The following JARID2 variants were observed in gnomAD, a reference collection of about 807,000 sequenced individuals.
JARID2 encodes protein Jumonji.
A neutral mutation model predicts 125.6 loss-of-function variants in JARID2; 21 were observed. The observed-to-expected ratio is 0.17, with a 90% CI of 0.12 to 0.24. JARID2 has a LOEUF of 0.24. Among genes scored for constraint, JARID2 ranks in the 10% least tolerant of loss-of-function variants. JARID2 has a pLI of 1.00. For missense variants in JARID2, 1,303 were observed against 1,639.6 expected (o/e 0.79, Z 3.55); for synonymous variants, 736 against 661.6 (o/e 1.11, Z -1.73).
intron 1 of JARID2, among the ~76,000 whole-genome samples, chr6:15,272,323 C>T (rs896215839): frequency 1.3e-5 from 2 of 152,184 alleles, no homozygotes; most frequent in Non-Finnish European, 2.9e-5. Context: ...TCATGTACTT[C>T]CCAAAGCTTC....
chr6:15,288,090 A>G (rs543506254), intron 1 of JARID2, among the ~76,000 whole-genome samples: 30 of 152,304 alleles, frequency 2.0e-4, no homozygotes, highest in African/African-American at 7.2e-4. Flanking sequence ...GGGAAGGCAC[A>G]TTGGTGGTAT....
chr6:15,514,328 C>T (rs1462285506), intron 16 of JARID2, among the ~76,000 whole-genome samples: 1 of 152,266 alleles, frequency 6.6e-6, no homozygotes, highest in East Asian at 1.9e-4. Flanking sequence ...AGGGCCTGAC[C>T]TGCCTCCCCG....
chr6:15,371,931 G>T (rs765222485), intron 1 of JARID2, among the ~76,000 whole-genome samples: 12 of 152,194 alleles, frequency 7.9e-5, no homozygotes, highest in Non-Finnish European at 1.5e-4. Context: ...AGCCTGGCAG[G>T]CTTCTGTGAG....
At chr6:15,337,651 G>A (rs1762922177) in intron 1 of JARID2, among the ~76,000 whole-genome samples, 2 of 152,180 alleles carry the variant, frequency 1.3e-5, no homozygotes, top group African/African-American at 4.8e-5. Flanking sequence ...CACTAAGCAA[G>A]GGGCTTTCTC....
chr6:15,423,090 C>G (rs372238918), intron 3 of JARID2, among the ~76,000 whole-genome samples: 1 of 151,652 alleles, frequency 6.6e-6, no homozygotes. Flanking sequence ...ACCTCCGCGT[C>G]CTGGGTGCAA....
chr6:15,337,333 A>G (rs1188105685), intron 1 of JARID2, among the ~76,000 whole-genome samples: 2 of 152,246 alleles, frequency 1.3e-5, no homozygotes, highest in South Asian at 2.1e-4. Flanking sequence ...ACATCAGACC[A>G]GATGTTCCTA....
intron 1 of JARID2, among the ~76,000 whole-genome samples, chr6:15,366,522 G>GGT (rs1378502761): frequency 1.4e-5 from 2 of 140,868 alleles, no homozygotes; most frequent in Non-Finnish European, 3.1e-5. Context: ...GGGGGGCGGG[G>GGT]GGGGTGGGGG....
chr6:15,459,355 T>C (rs1319326060), intron 4 of JARID2, among the ~76,000 whole-genome samples: 1 of 152,234 alleles, frequency 6.6e-6, no homozygotes, highest in Non-Finnish European at 1.5e-5. Context: ...CTTGATTACT[T>C]ATAATACCTA....
At chr6:15,478,265 T>G (rs576369041) in intron 5 of JARID2, among the ~76,000 whole-genome samples, 10 of 152,244 alleles carry the variant, frequency 6.6e-5, no homozygotes, top group Admixed American at 2.6e-4. Context: ...CTAAAAAGAT[T>G]ATTTAGCCTC....
chr6:15,508,494 AACT>A, intron 12 of JARID2, 40 bp downstream of exon 12: 1 of 1,048,484 alleles, frequency 9.5e-7, no homozygotes, highest in Non-Finnish European at 1.5e-6. Context: ...GGACTGCAGA[AACT>A]ACTATTACCA....
intron 1 of JARID2, chr6:15,247,384 T>A: frequency 1.0e-6 from 1 of 963,840 alleles, no homozygotes; most frequent in Non-Finnish European, 1.2e-6. Context: ...AGCTACGTTT[T>A]GATTGGCATG....
chr6:15,461,396 A>G (rs1768442192), intron 4 of JARID2, among the ~76,000 whole-genome samples: 1 of 152,168 alleles, frequency 6.6e-6, no homozygotes, highest in South Asian at 2.1e-4. Flanking sequence ...AGATAGGCAC[A>G]CCTGGGTGCT....
chr6:15,338,844 A>T (rs1762969503), intron 1 of JARID2, among the ~76,000 whole-genome samples: 1 of 152,180 alleles, frequency 6.6e-6, no homozygotes, highest in South Asian at 2.1e-4. Context: ...ACTTAAAGCA[A>T]ATTAAGGAGG....
intron 1 of JARID2, among the ~76,000 whole-genome samples, chr6:15,298,740 T>C (rs951947161): frequency 6.6e-6 from 1 of 151,968 alleles, no homozygotes; most frequent in South Asian, 2.1e-4. Context: ...CTTTCTGTTA[T>C]TTGTACGGTT....
At chr6:15,295,598 A>G (rs541411177) in intron 1 of JARID2, among the ~76,000 whole-genome samples, 2 of 152,210 alleles carry the variant, frequency 1.3e-5, no homozygotes, top group Non-Finnish European at 2.9e-5. Context: ...TTGCTGTATG[A>G]TGAAGACCGG....
At chr6:15,414,882 T>C (rs1417948464) in intron 3 of JARID2, among the ~76,000 whole-genome samples, 1 of 152,168 alleles carries the variant, frequency 6.6e-6, no homozygotes, top group Non-Finnish European at 1.5e-5. Context: ...GGCAGGGTCA[T>C]AGGACAATAG....
intron 5 of JARID2, among the ~76,000 whole-genome samples, chr6:15,486,668 G>A (rs1190101443): frequency 6.6e-6 from 1 of 152,178 alleles, no homozygotes; most frequent in African/African-American, 2.4e-5. Flanking sequence ...CAGAAAATGG[G>A]TCTGGCTCAA....
intron 4 of JARID2, among the ~76,000 whole-genome samples, chr6:15,455,324 A>G (rs1186138631): frequency 1.3e-5 from 2 of 151,870 alleles, no homozygotes; most frequent in East Asian, 1.9e-4. Flanking sequence ...TGATTTTGTG[A>G]TACATGTAAG....
intron 2 of JARID2, among the ~76,000 whole-genome samples, chr6:15,392,297 A>C (rs1409380893): frequency 6.6e-6 from 1 of 152,104 alleles, no homozygotes; most frequent in African/African-American, 2.4e-5. Flanking sequence ...GGGCTCTTTA[A>C]CAGTTCCAAT....
Sources: allele counts gnomAD v4.1 joint callset (sites outside exome capture counted in the v4.1 genomes callset), GRCh38; gene constraint gnomAD v4.1.1; transcripts MANE v1.5; gene names NCBI Gene and HGNC (gene_info 2026-07-23, HGNC 2026-07-21).